DPP6: variants seen among roughly 807,000 people sequenced by gnomAD.
DPP6 encodes the protein dipeptidyl peptidase like 6, also known as A-type potassium channel modulatory protein DPP6.
A neutral mutation model predicts 122.6 loss-of-function variants in DPP6; 69 were observed. The ratio of observed to expected loss-of-function variants is 0.56; its 90% CI spans 0.46 to 0.69. The LOEUF is 0.69. DPP6 is among the 30% of genes least tolerant of loss of function. DPP6 has a pLI of 0.00. For missense variants in DPP6, 928 were observed against 1,116.9 expected (o/e 0.83, Z 2.41); for synonymous variants, 418 against 433.1 (o/e 0.97, Z 0.43).
intron 1 of DPP6, among the ~76,000 whole-genome samples, chr7:154,260,681 CAT>C (rs1055268517): frequency 1.4e-5 from 2 of 146,288 alleles, no homozygotes; most frequent in African/African-American, 5.0e-5. Flanking sequence ...ATATATAATA[CAT>C]ATATATGTAT....
intron 1 of DPP6, among the ~76,000 whole-genome samples, chr7:154,156,792 G>GGT (rs1796703118): frequency 6.6e-6 from 1 of 152,032 alleles, no homozygotes; most frequent in African/African-American, 2.4e-5. Flanking sequence ...TAGGTAGGTA[G>GGT]ATAGATAGAT....
the DPP6 span, among the ~76,000 whole-genome samples, chr7:153,804,176 A>G: frequency 2.0e-5 from 3 of 151,716 alleles, no homozygotes; most frequent in African/African-American, 7.3e-5. Context: ...CAGCCTCGTG[A>G]GTAGCTGGAA....
At chr7:153,963,312 G>C (rs759095286) in intron 1 of DPP6, among the ~76,000 whole-genome samples, 37 of 151,222 alleles carry the variant, frequency 2.4e-4, no homozygotes, top group Non-Finnish European at 5.0e-4. Flanking sequence ...GGCACTATGG[G>C]GGCTTTAGTG....
intron 16 of DPP6, among the ~76,000 whole-genome samples, chr7:154,844,532 A>G (rs1381350454): frequency 6.6e-6 from 1 of 152,218 alleles, no homozygotes; most frequent in Non-Finnish European, 1.5e-5. Flanking sequence ...GATTTAGAGA[A>G]ATTGTATTTT....
rs552117860 is a variant in DPP6, at chr7:154,526,411, G to A, written c.458-14121G>A. Reference sequence around the variant, plus strand: ...AAACATAATCACTTAATATAACCTCGTAGATAGTGCTGTCCAAAAGAACTT... The same window carrying A: ...AAACATAATCACTTAATATAACCTCATAGATAGTGCTGTCCAAAAGAACTT... On this transcript the variant is annotated intron_variant, in intron 3 of 25. Transcript: ENST00000377770. Among the ~76,000 whole-genome samples the A allele has an allele frequency of 5.3e-5, 8 of 152,142 alleles. No homozygotes were observed. The East Asian group carries it at 1.2e-3, about 22-fold the overall frequency.
At position 154,760,836 on chromosome 7, in the gene DPP6, C is replaced by CT. The variant is rs1177041343; in HGVS notation, c.884-8577dup. On this transcript the variant is annotated intron_variant, in intron 8 of 25. Transcript: ENST00000377770. The surrounding 1 kb of genome is among the most constrained non-coding windows in gnomAD (Gnocchi z 4.5). ...CTGGCTCAGCCTTCCTCTTTCAAAA[C>CT]TTTTGTTTTTTTTTTTTTGAGACAG... Among the ~76,000 whole-genome samples, 10 of 94,644 alleles carry CT rather than the reference C, an allele frequency of 1.1e-4. No individual in the cohort carries two copies. Among genetic ancestry groups the CT allele is most frequent in the Non-Finnish European group, 2.0e-4 (9 of 45,028 alleles). 62.1% of individuals were successfully genotyped at this position (94,644 alleles called of 152,430 possible). A position where few individuals can be genotyped will look rare whatever the true frequency, so the allele number is the denominator to read the frequency against.
At chr7:154,254,275 G>C (rs1373937511) in intron 1 of DPP6, among the ~76,000 whole-genome samples, 1 of 152,126 alleles carries the variant, frequency 6.6e-6, no homozygotes, top group Non-Finnish European at 1.5e-5. Context: ...TATTTTGCTT[G>C]AAGTTGAAAA....
the DPP6 span, among the ~76,000 whole-genome samples, chr7:153,790,832 T>C: frequency 6.6e-6 from 1 of 152,176 alleles, no homozygotes; most frequent in South Asian, 2.1e-4. Context: ...GGAAGGCTTT[T>C]TGAAGGAAGA....
At chr7:154,646,038 A>AAAAAAAAAAAAAAAAAG (rs1432408504) in intron 6 of DPP6, among the ~76,000 whole-genome samples, 5 of 150,014 alleles carry the variant, frequency 3.3e-5, no homozygotes, top group Non-Finnish European at 5.9e-5. Flanking sequence ...AAAAAAAAAA[A>AAAAAAAAAAAAAAAAAG]AAAAAAAGAA....
At chr7:154,201,685 A>C (rs1002549288) in intron 1 of DPP6, among the ~76,000 whole-genome samples, 2 of 152,178 alleles carry the variant, frequency 1.3e-5, no homozygotes, top group African/African-American at 4.8e-5. Context: ...AGCTGCAGAT[A>C]GATCCATAGG....
At chr7:154,090,994 G>A (rs1804783852) in intron 1 of DPP6, among the ~76,000 whole-genome samples, 2 of 151,210 alleles carry the variant, frequency 1.3e-5, no homozygotes, top group African/African-American at 4.9e-5. Context: ...GGTGGCGGGT[G>A]CCTGTAGTCC....
chr7:154,345,181 C>A (rs1208532693), intron 1 of DPP6, among the ~76,000 whole-genome samples: 1 of 152,058 alleles, frequency 6.6e-6, no homozygotes, highest in African/African-American at 2.4e-5. Flanking sequence ...GGGCTCTCTT[C>A]TTGGTCTCCA....
chr7:154,011,552 T>TA (rs141927557), intron 1 of DPP6, among the ~76,000 whole-genome samples: 4,944 of 151,830 alleles, frequency 0.033, 278 homozygotes, highest in African/African-American at 0.11. Context: ...TCAGAAGTGT[T>TA]AAAAATTTTA....
At chr7:154,533,515 AAAT>A (rs1828005936) in intron 3 of DPP6, among the ~76,000 whole-genome samples, 1 of 152,234 alleles carries the variant, frequency 6.6e-6, no homozygotes, top group Non-Finnish European at 1.5e-5. Context: ...TTTAAGGCAA[AAAT>A]AATAAAAACC....
chr7:154,806,941 G>A (rs1798731345), intron 15 of DPP6, 53 bp from the exon 16 acceptor site: 4 of 1,596,300 alleles, frequency 2.5e-6, no homozygotes, highest in South Asian at 1.1e-5. Flanking sequence ...CACCCAGCGT[G>A]GAGGGCAGCT....
intron 1 of DPP6, among the ~76,000 whole-genome samples, chr7:154,355,422 G>A (rs1286849834): frequency 2.0e-5 from 3 of 152,048 alleles, no homozygotes; most frequent in Non-Finnish European, 4.4e-5. Context: ...CTTTTTTAGA[G>A]TTTTAATGAA....
At chr7:154,841,940 G>A (rs1239334717) in intron 16 of DPP6, among the ~76,000 whole-genome samples, 5 of 152,046 alleles carry the variant, frequency 3.3e-5, no homozygotes, top group African/African-American at 4.8e-5. Context: ...CAAATCAAAC[G>A]GCAACAAAAC....
rs1347099391 is a variant in DPP6, at chr7:154,618,386, G to A, written c.628-19435G>A. ...GGGAGACCAGCCCTCTAACTGCAGCGAGCTGGATTTCAGACCCTTCCTGTG... is the reference window on the plus strand; with the variant it reads ...GGGAGACCAGCCCTCTAACTGCAGCAAGCTGGATTTCAGACCCTTCCTGTG... On this transcript the variant is annotated intron_variant, in intron 5 of 25. Transcript: ENST00000377770. This position sits in a 1 kb window ranked among gnomAD's most constrained non-coding sequence, Gnocchi z 4.1. 1.3e-5 allele frequency among the ~76,000 whole-genome samples: 2 copies of A among 152,104 alleles called. No individual in the cohort carries two copies. Among genetic ancestry groups the A allele is most frequent in the African/African-American group, 4.8e-5 (2 of 41,412 alleles).
At chr7:154,731,293 G>A (rs913651443) in intron 8 of DPP6, among the ~76,000 whole-genome samples, 4 of 152,214 alleles carry the variant, frequency 2.6e-5, no homozygotes, top group African/African-American at 7.2e-5. Context: ...AGCTGTGTAC[G>A]TGGGAAACAG....
Sources: gnomAD v4.1 joint callset for allele counts (sites outside exome capture counted in the v4.1 genomes callset) on GRCh38, gnomAD v4.1.1 for gene constraint, Gnocchi (gnomAD v3.1) non-coding constraint, MANE v1.5 for transcripts, NCBI Gene and HGNC (gene_info 2026-07-23, HGNC 2026-07-21) for gene names.